The following RBFOX1 variants were observed in gnomAD, a reference collection of about 807,000 sequenced individuals.
The protein encoded by RBFOX1 is RNA binding fox-1 homolog 1.
RBFOX1 carries 8 observed loss-of-function variants against 57.7 expected under a neutral mutation model. The ratio of observed to expected loss-of-function variants is 0.14; its 90% CI spans 0.08 to 0.25. The LOEUF is 0.25. Ranked by LOEUF, RBFOX1 falls within the 10% of genes least tolerant of loss-of-function variation. The pLI, the probability that RBFOX1 is intolerant of heterozygous loss-of-function variation, is 1.00. For missense variants in RBFOX1, 611 were observed against 548.5 expected, an observed-to-expected ratio of 1.11 and a Z score of -1.14; for synonymous variants, 326 against 222.4, an observed-to-expected ratio of 1.47 and a Z score of -4.15.
chr16:7,566,672 C>A (rs1367119062), intron 5 of RBFOX1, among the ~76,000 whole-genome samples: 1 of 152,078 alleles, frequency 6.6e-6, no homozygotes, highest in African/African-American at 2.4e-5. Flanking sequence ...CATCCTGTAT[C>A]CCAGACCATT....
At chr16:7,135,216 T>C (rs765560250) in intron 4 of RBFOX1, among the ~76,000 whole-genome samples, 30 of 152,160 alleles carry the variant, frequency 2.0e-4, no homozygotes, top group Non-Finnish European at 4.0e-4. Flanking sequence ...ACCAATTAAG[T>C]TTCAGCCCTG....
At chr16:7,409,370 T>C (rs1222806889) in intron 4 of RBFOX1, among the ~76,000 whole-genome samples, 1 of 152,258 alleles carries the variant, frequency 6.6e-6, no homozygotes, top group Admixed American at 6.5e-5. Flanking sequence ...ATGCCTGTTT[T>C]ATTCATTGTG....
chr16:6,782,150 G>T (rs1252191231), intron 3 of RBFOX1, among the ~76,000 whole-genome samples: 1 of 152,136 alleles, frequency 6.6e-6, no homozygotes, highest in Non-Finnish European at 1.5e-5. Context: ...GGGACTACGG[G>T]CATGCACCAC....
intron 2 of RBFOX1, among the ~76,000 whole-genome samples, chr16:6,428,342 G>T (rs1036051294): frequency 2.7e-5 from 4 of 146,932 alleles, no homozygotes; most frequent in African/African-American, 7.5e-5. Flanking sequence ...TCCATACATT[G>T]ACTATTACCA....
chr16:6,154,107 A>C (rs1052077757), intron 1 of RBFOX1, among the ~76,000 whole-genome samples: 1 of 152,200 alleles, frequency 6.6e-6, no homozygotes, highest in African/African-American at 2.4e-5. Flanking sequence ...TTTTGAAATC[A>C]GATGTTCCTG....
chr16:5,795,768 G>T (rs990206230), intron 3 of RBFOX1, among the ~76,000 whole-genome samples: 92 of 152,046 alleles, frequency 6.1e-4, no homozygotes, highest in African/African-American at 2.1e-3. Flanking sequence ...TTTGACTTTA[G>T]ACCTGGAAGA....
chr16:7,523,758 AC>A (rs1488120407), intron 5 of RBFOX1, among the ~76,000 whole-genome samples: 4 of 152,140 alleles, frequency 2.6e-5, no homozygotes, highest in Admixed American at 6.5e-5. Flanking sequence ...TTTGTTACAA[AC>A]AATTACATCT....
intron 1 of RBFOX1, among the ~76,000 whole-genome samples, chr16:5,264,537 A>G (rs936089444): frequency 2.0e-5 from 3 of 152,188 alleles, no homozygotes; most frequent in Non-Finnish European, 2.9e-5. Flanking sequence ...TTTTTGGCGG[A>G]TTGTTCTTTA....
chr16:5,339,294 A>C (rs1007863407), intron 1 of RBFOX1, among the ~76,000 whole-genome samples: 2 of 151,972 alleles, frequency 1.3e-5, no homozygotes, highest in Admixed American at 6.6e-5. Flanking sequence ...GCTTGGTTGC[A>C]TGAGATATGA....
At chr16:7,587,018 C>T (rs1478399919) in intron 6 of RBFOX1, among the ~76,000 whole-genome samples, 2 of 152,150 alleles carry the variant, frequency 1.3e-5, no homozygotes, top group Non-Finnish European at 2.9e-5. Flanking sequence ...ATAGAATTAA[C>T]CTCTTGATTA....
intron 2 of RBFOX1, among the ~76,000 whole-genome samples, chr16:6,369,390 G>A (rs1162971981): frequency 6.6e-6 from 1 of 152,116 alleles, no homozygotes; most frequent in Non-Finnish European, 1.5e-5. Flanking sequence ...CATTGTGAAG[G>A]AAAAAGAAAG....
At chr16:7,585,748 G>C (rs749823063) in intron 6 of RBFOX1, among the ~76,000 whole-genome samples, 1 of 152,122 alleles carries the variant, frequency 6.6e-6, no homozygotes, top group African/African-American at 2.4e-5. Context: ...GTCCATTCCA[G>C]AGGATAGCTA....
chr16:5,284,137 A>G (rs1215191877), intron 1 of RBFOX1, among the ~76,000 whole-genome samples: 1 of 152,214 alleles, frequency 6.6e-6, no homozygotes, highest in East Asian at 1.9e-4. Flanking sequence ...GCTGCCATCC[A>G]TGTGAGCCAT....
intron 3 of RBFOX1, among the ~76,000 whole-genome samples, chr16:5,703,562 T>G (rs1384561935): frequency 6.6e-6 from 1 of 152,176 alleles, no homozygotes; most frequent in Non-Finnish European, 1.5e-5. Flanking sequence ...ATTTAAAGAT[T>G]TTTAGTGCAC....
intron 3 of RBFOX1, among the ~76,000 whole-genome samples, chr16:5,681,722 A>G (rs1329860244): frequency 1.3e-5 from 2 of 152,122 alleles, no homozygotes; most frequent in Non-Finnish European, 2.9e-5. Context: ...CCTGTAGGAT[A>G]AAATTGACGT....
chr16:7,627,440 T>G (rs1450658491), intron 10 of RBFOX1, among the ~76,000 whole-genome samples: 1 of 152,166 alleles, frequency 6.6e-6, no homozygotes, highest in African/African-American at 2.4e-5. Flanking sequence ...TTATAAGGAA[T>G]TTGATAAAAG....
chr16:7,153,896 G>A (rs1252099379), intron 4 of RBFOX1, among the ~76,000 whole-genome samples: 1 of 151,884 alleles, frequency 6.6e-6, no homozygotes, highest in African/African-American at 2.4e-5. Context: ...GAGGTAAATT[G>A]TTCTAGTTAG....
chr16:7,470,186 C>G (rs1382398419), intron 4 of RBFOX1, among the ~76,000 whole-genome samples: 1 of 152,142 alleles, frequency 6.6e-6, no homozygotes, highest in Non-Finnish European at 1.5e-5. Context: ...CCCAGGTGCA[C>G]CCTTGGGTCA....
intron 3 of RBFOX1, among the ~76,000 whole-genome samples, chr16:6,976,399 C>G (rs954509380): frequency 6.6e-6 from 1 of 152,076 alleles, no homozygotes; most frequent in Non-Finnish European, 1.5e-5. Context: ...TTTTCAGAAT[C>G]CAGTTTCCAG....
Sources: allele counts gnomAD v4.1 joint callset (sites outside exome capture counted in the v4.1 genomes callset), GRCh38; gene constraint gnomAD v4.1.1; transcripts MANE v1.5; gene names NCBI Gene and HGNC (gene_info 2026-07-23, HGNC 2026-07-21).